Variants in VTI1A observed in about 807,000 individuals in gnomAD.
VTI1A encodes vesicle transport through interaction with t-SNAREs 1A, also known as vesicle transport through interaction with t-SNAREs homolog 1A.
In VTI1A, 22 loss-of-function variants were observed where a neutral mutation model predicts 34.9. That is an observed-to-expected ratio of 0.63 (90% confidence interval 0.45 to 0.90). The LOEUF (loss-of-function observed/expected upper bound fraction) is 0.90, where lower values mean the gene tolerates loss of function less well. Among genes scored for constraint, VTI1A ranks in the 40% least tolerant of loss-of-function variants. The pLI, the probability that VTI1A is intolerant of heterozygous loss-of-function variation, is 0.00. For missense variants in VTI1A, 268 were observed against 275.6 expected, an observed-to-expected ratio of 0.97 and a Z score of 0.20; for synonymous variants, 87 against 97.3, an observed-to-expected ratio of 0.89 and a Z score of 0.62.
intron 7 of VTI1A, among the ~76,000 whole-genome samples, chr10:112,718,246 A>G (rs777088628): frequency 5.3e-5 from 8 of 152,138 alleles, no homozygotes; most frequent in Non-Finnish European, 1.0e-4. Flanking sequence ...TCAAATCTCT[A>G]TTTGCTCTGC....
At chr10:112,633,085 G>T (rs1846199267) in intron 5 of VTI1A, among the ~76,000 whole-genome samples, 1 of 152,154 alleles carries the variant, frequency 6.6e-6, no homozygotes, top group Non-Finnish European at 1.5e-5. Context: ...ACTTTGGGAG[G>T]CTGAGGCGGG....
chr10:112,853,600 T>G, the VTI1A span, among the ~76,000 whole-genome samples: 1 of 152,186 alleles, frequency 6.6e-6, no homozygotes, highest in Non-Finnish European at 1.5e-5. Context: ...ACATCGATGG[T>G]CAAGTCTCCT....
At chr10:112,730,719 G>T (rs12217293) in intron 7 of VTI1A, among the ~76,000 whole-genome samples, 3,225 of 150,150 alleles carry the variant, frequency 0.021, 62 homozygotes, top group East Asian at 0.08. Context: ...TTCAACCACC[G>T]TATAATAAAT....
intron 5 of VTI1A, among the ~76,000 whole-genome samples, chr10:112,592,005 C>G (rs927366643): frequency 6.6e-6 from 1 of 152,138 alleles, no homozygotes; most frequent in Non-Finnish European, 1.5e-5. Flanking sequence ...TATGTCGTCT[C>G]TGGTCTAAAA....
At chr10:112,727,312 A>C (rs531917207) in intron 7 of VTI1A, among the ~76,000 whole-genome samples, 2 of 152,212 alleles carry the variant, frequency 1.3e-5, no homozygotes, top group South Asian at 4.1e-4. Context: ...TACAAAGTAT[A>C]CCTAGAACAA....
intron 7 of VTI1A, among the ~76,000 whole-genome samples, chr10:112,732,672 C>T (rs1850306756): frequency 6.6e-6 from 1 of 152,142 alleles, no homozygotes; most frequent in Admixed American, 6.5e-5. Context: ...CATTACTGGG[C>T]CTTTCACACT....
chr10:112,681,093 A>G (rs201962822), intron 7 of VTI1A, among the ~76,000 whole-genome samples: 1 of 116,786 alleles, frequency 8.6e-6, no homozygotes, highest in Non-Finnish European at 1.7e-5. Context: ...TTTTTTTTTT[A>G]AAGGGACAGG....
chr10:112,494,839 A>G (rs1848956865), intron 3 of VTI1A, among the ~76,000 whole-genome samples: 1 of 152,116 alleles, frequency 6.6e-6, no homozygotes, highest in African/African-American at 2.4e-5. Context: ...TCTTAAGACA[A>G]GTGTTTAAAG....
intron 5 of VTI1A, among the ~76,000 whole-genome samples, chr10:112,582,087 T>C (rs1179321352): frequency 2.0e-5 from 3 of 152,156 alleles, no homozygotes; most frequent in Non-Finnish European, 4.4e-5. Flanking sequence ...AATTTATTTC[T>C]CCAGTTCTAG....
chr10:112,451,051 G>C (rs542714245), intron 1 of VTI1A, among the ~76,000 whole-genome samples: 2 of 152,294 alleles, frequency 1.3e-5, no homozygotes, highest in South Asian at 4.1e-4. Context: ...GGAATGATCT[G>C]TTGTGAATCC....
chr10:112,647,603 A>C (rs1564865090), intron 5 of VTI1A, among the ~76,000 whole-genome samples: 1 of 152,198 alleles, frequency 6.6e-6, no homozygotes, highest in African/African-American at 2.4e-5. Context: ...ATATGTGTGG[A>C]CTATATTGTG....
intron 7 of VTI1A, among the ~76,000 whole-genome samples, chr10:112,671,042 A>G (rs1465157381): frequency 6.6e-6 from 1 of 152,224 alleles, no homozygotes; most frequent in African/African-American, 2.4e-5. Context: ...TATGATATAC[A>G]ATGTATTTTG....
At chr10:112,568,112 T>C (rs1487653363) in intron 5 of VTI1A, among the ~76,000 whole-genome samples, 1 of 151,542 alleles carries the variant, frequency 6.6e-6, no homozygotes, top group Non-Finnish European at 1.5e-5. Context: ...AAAACTCAGA[T>C]ATAAAGAAAA....
intron 7 of VTI1A, among the ~76,000 whole-genome samples, chr10:112,748,393 C>T (rs887317902): frequency 1.3e-5 from 2 of 152,022 alleles, no homozygotes; most frequent in African/African-American, 2.4e-5. Flanking sequence ...CTATTTTATT[C>T]GTACAGTTGG....
chr10:112,638,726 A>G (rs1319814466), intron 5 of VTI1A, among the ~76,000 whole-genome samples: 1 of 125,938 alleles, frequency 7.9e-6, no homozygotes, highest in African/African-American at 2.9e-5. Flanking sequence ...GAAAATTCCT[A>G]TTTCTTTAAT....
intron 3 of VTI1A, among the ~76,000 whole-genome samples, chr10:112,492,506 TTGGCCAGGCACAG>T (rs1243213718): frequency 6.6e-6 from 1 of 152,116 alleles, no homozygotes; most frequent in Non-Finnish European, 1.5e-5. Flanking sequence ...AAAAAACAAA[TTGGCCAGGCACAG>T]TGACTCATGC....
rs569897919 is a variant in VTI1A, at chr10:112,703,418, T to G, written c.560+34420T>G. On this transcript the variant is annotated intron_variant, in intron 7 of 7. Transcript: ENST00000393077. ...CCCCATCTCTACTAAAAATACAAAATTAGCCAGGCATGGTGGCACATGCTT... is the reference window on the plus strand; with the variant it reads ...CCCCATCTCTACTAAAAATACAAAAGTAGCCAGGCATGGTGGCACATGCTT... Among the ~76,000 whole-genome samples the G allele has an allele frequency of 1.4e-4, 21 of 152,050 alleles. 1 individual carries two copies. The highest frequency in any genetic ancestry group is 2.6e-4 in the Non-Finnish European group (18 of 67,998).
At chr10:112,832,846 C>T in the VTI1A span, among the ~76,000 whole-genome samples, 1 of 152,210 alleles carries the variant, frequency 6.6e-6, no homozygotes, top group African/African-American at 2.4e-5. Context: ...CCCTCCCAGC[C>T]CTGGCCCTGC....
intron 7 of VTI1A, among the ~76,000 whole-genome samples, chr10:112,759,024 T>C (rs1159021429): frequency 6.6e-6 from 1 of 152,160 alleles, no homozygotes. Context: ...GAAAGTGGCC[T>C]CAGAGATGAG....
Sources: allele counts gnomAD v4.1 joint callset (sites outside exome capture counted in the v4.1 genomes callset), GRCh38; gene constraint gnomAD v4.1.1; transcripts MANE v1.5; gene names NCBI Gene and HGNC (gene_info 2026-07-23, HGNC 2026-07-21).